Variants in PALLD observed in about 807,000 individuals in gnomAD.
PALLD encodes palladin, cytoskeletal associated protein, also known as palladin.
A neutral mutation model predicts 123.5 loss-of-function variants in PALLD; 61 were observed. The ratio of observed to expected loss-of-function variants is 0.49; its 90% CI spans 0.40 to 0.61. PALLD has a LOEUF of 0.61. Among genes scored for constraint, PALLD ranks in the 20% least tolerant of loss-of-function variants. The pLI is 0.00. For missense variants in PALLD, 1,273 were observed against 1,377.0 expected (o/e 0.92, Z 1.20); for synonymous variants, 465 against 496.4 (o/e 0.94, Z 0.84).
chr4:168,806,958 A>G (rs900917934), intron 10 of PALLD, among the ~76,000 whole-genome samples: 6 of 152,160 alleles, frequency 3.9e-5, no homozygotes, highest in Admixed American at 3.9e-4. Flanking sequence ...TTATTCTTTC[A>G]ACAAATGCAT....
intron 8 of PALLD, among the ~76,000 whole-genome samples, chr4:168,693,310 C>T (rs891329191): frequency 6.6e-6 from 1 of 152,216 alleles, no homozygotes; most frequent in African/African-American, 2.4e-5. Flanking sequence ...ACCCTATATA[C>T]ACTCCTTCTG....
rs755942969 is a variant in PALLD at position 168,658,284 on chromosome 4, G to GTTTTTTTTTTTTTTTTTTT, written c.909-9906_909-9905insTTTTTTTTTTTTTTTTTTT. On this transcript the variant is annotated intron_variant, in intron 2 of 21. Coordinates refer to ENST00000505667, the MANE Select transcript of PALLD (RefSeq NM_001166108.2). ...TTTTGTTGGTGGTGGGTTTTTATTT[G>GTTTTTTTTTTTTTTTTTTT]GTTTTTTTTTTTTTTTTTGTGATGA... 3.3e-5 allele frequency among the ~76,000 whole-genome samples: 4 copies of GTTTTTTTTTTTTTTTTTTT among 120,770 alleles called. 1 individual carries two copies. Among genetic ancestry groups the GTTTTTTTTTTTTTTTTTTT allele is most frequent in the African/African-American group, 6.9e-5 (2 of 28,926 alleles). The allele number at this position is 120,770 out of a possible 152,430, so 79.2% of individuals were successfully genotyped here.
intron 2 of PALLD, among the ~76,000 whole-genome samples, chr4:168,519,707 G>A (rs1763344739): frequency 6.6e-6 from 1 of 151,902 alleles, no homozygotes; most frequent in Non-Finnish European, 1.5e-5. Flanking sequence ...CTATGGACCT[G>A]GTTAGGACTA....
At chr4:168,712,395 A>G (rs1317795771) in intron 10 of PALLD, 1 of 218,110 alleles carries the variant, frequency 4.6e-6, no homozygotes, top group Admixed American at 5.2e-5. Flanking sequence ...AGATCCTGGC[A>G]GGGCAATGAA....
chr4:168,633,686 A>C (rs992654217), intron 2 of PALLD, among the ~76,000 whole-genome samples: 9 of 152,332 alleles, frequency 5.9e-5, no homozygotes, highest in African/African-American at 2.2e-4. Flanking sequence ...TAGAAACTAC[A>C]AGAGACTTTT....
At chr4:168,522,489 A>G (rs1763652901) in intron 2 of PALLD, among the ~76,000 whole-genome samples, 1 of 152,330 alleles carries the variant, frequency 6.6e-6, no homozygotes, top group Non-Finnish European at 1.5e-5. Context: ...CAATGTCTCA[A>G]ATCTTTTCTG....
chr4:168,817,877 T>G (rs963034092), intron 10 of PALLD, among the ~76,000 whole-genome samples: 1 of 152,220 alleles, frequency 6.6e-6, no homozygotes, highest in Non-Finnish European at 1.5e-5. Flanking sequence ...GATTGGCAAT[T>G]GAACAAATCT....
intron 3 of PALLD, among the ~76,000 whole-genome samples, chr4:168,678,724 C>T (rs1022112637): frequency 2.6e-5 from 4 of 151,922 alleles, no homozygotes; most frequent in Admixed American, 1.3e-4. Context: ...CACTCACCAC[C>T]GTATCATGTA....
At chr4:168,567,948 T>G (rs1768580755) in intron 2 of PALLD, among the ~76,000 whole-genome samples, 1 of 152,036 alleles carries the variant, frequency 6.6e-6, no homozygotes, top group Non-Finnish European at 1.5e-5. Flanking sequence ...TCTATAAAGT[T>G]TTTTAAAAAA....
chr4:168,902,329 A>G (rs1202067350), intron 14 of PALLD, among the ~76,000 whole-genome samples: 1 of 152,222 alleles, frequency 6.6e-6, no homozygotes. Context: ...TGTGGCTTAA[A>G]AAAGGAAAGG....
At chr4:168,600,392 T>C (rs982542073) in intron 2 of PALLD, among the ~76,000 whole-genome samples, 1 of 152,194 alleles carries the variant, frequency 6.6e-6, no homozygotes, top group African/African-American at 2.4e-5. Flanking sequence ...TGTTTTACTT[T>C]CATAATAAAA....
intron 8 of PALLD, among the ~76,000 whole-genome samples, chr4:168,702,533 G>A (rs1468902032): frequency 6.6e-6 from 1 of 152,052 alleles, no homozygotes; most frequent in African/African-American, 2.4e-5. Flanking sequence ...CAGCCTGGGC[G>A]ACAAGTGAAA....
chr4:168,593,504 A>T (rs1771665185), intron 2 of PALLD, among the ~76,000 whole-genome samples: 1 of 152,070 alleles, frequency 6.6e-6, no homozygotes, highest in Non-Finnish European at 1.5e-5. Context: ...GACCAAAAGC[A>T]CATGCTCTCT....
intron 16 of PALLD, among the ~76,000 whole-genome samples, chr4:168,915,396 A>G (rs1759892169): frequency 6.6e-6 from 1 of 152,244 alleles, no homozygotes; most frequent in South Asian, 2.1e-4. Flanking sequence ...GCCTCTAGGC[A>G]TATGGATAAC....
At chr4:168,596,643 C>T (rs1315695615) in intron 2 of PALLD, among the ~76,000 whole-genome samples, 1 of 148,008 alleles carries the variant, frequency 6.8e-6, no homozygotes, top group African/African-American at 2.5e-5. Context: ...CACTTCTTGA[C>T]AAGGAAAATG....
At chr4:168,780,613 C>T (rs1336914887) in intron 10 of PALLD, among the ~76,000 whole-genome samples, 7 of 152,224 alleles carry the variant, frequency 4.6e-5, no homozygotes, top group Admixed American at 3.3e-4. Context: ...CCATGGCAGA[C>T]ACTGTTGCAG....
rs187339549 is a variant in PALLD at position 168,772,945 on chromosome 4, T to G, written c.1964+61022T>G. 2.8e-3 allele frequency among the ~76,000 whole-genome samples: 429 copies of G among 152,272 alleles called. 4 individuals carry two copies. Among genetic ancestry groups the G allele is most frequent in the African/African-American group, 9.4e-3 (390 of 41,558 alleles). On this transcript the variant is annotated intron_variant, in intron 10 of 21. Coordinates refer to ENST00000505667, the MANE Select transcript of PALLD (RefSeq NM_001166108.2). ...AAGACGGCTGCTCATGCTTGCTCTC[T>G]TGGGCATGGAGTGGGTCACTGGCTG... is the stretch of plus-strand genomic sequence containing the variant.
At chr4:168,599,003 C>A (rs2149714763) in intron 2 of PALLD, among the ~76,000 whole-genome samples, 1 of 152,146 alleles carries the variant, frequency 6.6e-6, no homozygotes, top group Admixed American at 6.5e-5. Flanking sequence ...TCTGTAATTC[C>A]TTATTATATT....
chr4:168,706,941 A>G (rs1322340366), intron 8 of PALLD, among the ~76,000 whole-genome samples: 1 of 152,248 alleles, frequency 6.6e-6, no homozygotes, highest in African/African-American at 2.4e-5. Context: ...GAATTCGATT[A>G]TAAAGAGAAA....
Sources: gnomAD v4.1 joint callset for allele counts (sites outside exome capture counted in the v4.1 genomes callset) on GRCh38, gnomAD v4.1.1 for gene constraint, MANE v1.5 for transcripts, NCBI Gene and HGNC (gene_info 2026-07-23, HGNC 2026-07-21) for gene names.